Variants in ZNF277 observed in about 807,000 individuals in gnomAD.
ZNF277 encodes zinc finger protein 277, also known as nuclear receptor-interacting factor 4.
In ZNF277, 55 loss-of-function variants were observed where a neutral mutation model predicts 60.7. The ratio of observed to expected loss-of-function variants is 0.91; its 90% CI spans 0.73 to 1.13. ZNF277 has a LOEUF of 1.13. Ranked by LOEUF, ZNF277 falls within the 50% of genes most tolerant of loss-of-function variation. The pLI is 0.00. For missense variants in ZNF277, 510 were observed against 523.0 expected, an observed-to-expected ratio of 0.98 and a Z score of 0.24; for synonymous variants, 178 against 179.3, an observed-to-expected ratio of 0.99 and a Z score of 0.06.
chr7:112,266,278 C>T (rs551855468), intron 1 of ZNF277, among the ~76,000 whole-genome samples: 1 of 152,040 alleles, frequency 6.6e-6, no homozygotes, highest in Non-Finnish European at 1.5e-5. Context: ...TCCTTAGTAG[C>T]TAGGATTACA....
At chr7:112,224,283 A>G (rs2116966879) in intron 1 of ZNF277, among the ~76,000 whole-genome samples, 1 of 152,374 alleles carries the variant, frequency 6.6e-6, no homozygotes, top group East Asian at 1.9e-4. Flanking sequence ...CACTTACAAT[A>G]GATAATGAAC....
At chr7:112,241,156 GA>G (rs112773770) in intron 1 of ZNF277, among the ~76,000 whole-genome samples, 42 of 144,700 alleles carry the variant, frequency 2.9e-4, no homozygotes, top group South Asian at 1.3e-3. Context: ...AACTCTATTG[GA>G]AAAAAAAAAA....
chr7:112,313,687 T>A (rs948797961), intron 4 of ZNF277, among the ~76,000 whole-genome samples: 3 of 152,172 alleles, frequency 2.0e-5, no homozygotes, highest in Admixed American at 6.6e-5. Context: ...TGGAATAGTT[T>A]ACATATGTAG....
At chr7:112,302,468 T>C (rs1315047243) in intron 4 of ZNF277, among the ~76,000 whole-genome samples, 1 of 152,158 alleles carries the variant, frequency 6.6e-6, no homozygotes, top group Admixed American at 6.6e-5. Flanking sequence ...TACATACAAG[T>C]TCTAATACTG....
chr7:112,302,209 A>G (rs545021061), intron 4 of ZNF277, among the ~76,000 whole-genome samples: 1 of 152,214 alleles, frequency 6.6e-6, no homozygotes, highest in East Asian at 1.9e-4. Flanking sequence ...ATTTATCTTC[A>G]GGAGAGAAAC....
chr7:112,215,088 A>G (rs1371470323), intron 1 of ZNF277, among the ~76,000 whole-genome samples: 2 of 152,226 alleles, frequency 1.3e-5, no homozygotes, highest in African/African-American at 2.4e-5. Flanking sequence ...GTCTGTCTCA[A>G]GAGGCAGTAG....
intron 1 of ZNF277, among the ~76,000 whole-genome samples, chr7:112,247,021 C>G (rs1791101144): frequency 6.6e-6 from 1 of 152,058 alleles, no homozygotes; most frequent in African/African-American, 2.4e-5. Context: ...TACAAATTAA[C>G]CTAATAATGC....
At chr7:112,248,472 T>C (rs1226822449) in intron 1 of ZNF277, among the ~76,000 whole-genome samples, 3 of 152,122 alleles carry the variant, frequency 2.0e-5, no homozygotes, top group African/African-American at 7.2e-5. Flanking sequence ...AATAGAGATT[T>C]AAACAGAGCT....
At chr7:112,296,919 T>TA (rs1563219735) in intron 4 of ZNF277, among the ~76,000 whole-genome samples, 9 of 65,322 alleles carry the variant, frequency 1.4e-4, no homozygotes, top group South Asian at 6.3e-4. Flanking sequence ...TTTATTTTTT[T>TA]TTTTTTTTTT....
intron 1 of ZNF277, among the ~76,000 whole-genome samples, chr7:112,274,582 T>C (rs1291704070): frequency 1.3e-5 from 2 of 152,208 alleles, no homozygotes; most frequent in African/African-American, 2.4e-5. Context: ...AATAAAAATG[T>C]GTCATAGCTA....
intron 1 of ZNF277, among the ~76,000 whole-genome samples, chr7:112,223,667 G>C (rs1822095313): frequency 1.3e-5 from 2 of 152,156 alleles, no homozygotes; most frequent in Non-Finnish European, 2.9e-5. Context: ...TAAATCCCAA[G>C]GCTCCCACAA....
intron 1 of ZNF277, among the ~76,000 whole-genome samples, chr7:112,236,044 A>G (rs1790777771): frequency 6.6e-6 from 1 of 152,032 alleles, no homozygotes; most frequent in Admixed American, 6.6e-5. Flanking sequence ...TCAATAGACC[A>G]TATATGTGGG....
intron 1 of ZNF277, among the ~76,000 whole-genome samples, chr7:112,242,139 A>G (rs546226013): frequency 4.0e-4 from 61 of 152,182 alleles, no homozygotes; most frequent in African/African-American, 1.5e-3. Flanking sequence ...CTGTTTACCC[A>G]TAAAAATTTA....
At chr7:112,292,284 A>G (rs935158318) in intron 2 of ZNF277, among the ~76,000 whole-genome samples, 3 of 152,180 alleles carry the variant, frequency 2.0e-5, no homozygotes, top group African/African-American at 7.2e-5. Flanking sequence ...TTACCTCTGT[A>G]GTGGAACTTC....
At chr7:112,285,685 C>T (rs1019057464) in intron 1 of ZNF277, among the ~76,000 whole-genome samples, 6 of 151,654 alleles carry the variant, frequency 4.0e-5, no homozygotes, top group Non-Finnish European at 5.9e-5. Context: ...CCGCCCACCT[C>T]GGCCTCCCAA....
intron 5 of ZNF277, among the ~76,000 whole-genome samples, chr7:112,321,228 T>A (rs1792975118): frequency 1.3e-5 from 2 of 151,944 alleles, no homozygotes; most frequent in Admixed American, 1.3e-4. Flanking sequence ...GCTCCCTTGT[T>A]TCTTATACCA....
rs202054219 is a variant in ZNF277 at position 112,338,264 on chromosome 7, T to TA, written c.966+439dup. Among the ~76,000 whole-genome samples the TA allele has an allele frequency of 1.3e-3, 203 of 152,264 alleles. 4 individuals are homozygous for TA. The East Asian group carries it at 0.037, about 28-fold the overall frequency. On this transcript the variant is annotated intron_variant, in intron 9 of 11. Coordinates refer to ENST00000361822, the MANE Select transcript of ZNF277 (RefSeq NM_021994.3). ...TACAGTTCCTTCAGGTGCCAGGATT[T>TA]AGAGAGAAGAAACTAGGGAGCATTC... is the stretch of plus-strand genomic sequence containing the variant.
At position 112,277,160 on chromosome 7, in the gene ZNF277, T is replaced by C. The variant is rs181039261; in HGVS notation, c.92-9713T>C. The stretch of plus-strand genomic sequence containing the variant: ...GTGCAGTGGCACGATCTCGGCTCAC[T>C]GCAAGCTCCGCCTCCCAGGTTCACA... On this transcript the variant is annotated intron_variant, in intron 1 of 11. Coordinates refer to ENST00000361822, the MANE Select transcript of ZNF277 (RefSeq NM_021994.3). 7.5e-3 allele frequency among the ~76,000 whole-genome samples: 1,081 copies of C among 143,788 alleles called. 9 individuals are homozygous for C. The highest frequency in any genetic ancestry group is 0.027 in the African/African-American group (1,038 of 37,842). 94.3% of individuals were successfully genotyped at this position (143,788 alleles called of 152,430 possible).
intron 7 of ZNF277, among the ~76,000 whole-genome samples, chr7:112,335,527 G>A (rs1261111276): frequency 6.6e-6 from 1 of 152,104 alleles, no homozygotes; most frequent in Non-Finnish European, 1.5e-5. Flanking sequence ...GATTTGAGTA[G>A]GTACTAGAGC....
Sources: gnomAD v4.1 joint callset for allele counts (sites outside exome capture counted in the v4.1 genomes callset) on GRCh38, gnomAD v4.1.1 for gene constraint, MANE v1.5 for transcripts, NCBI Gene and HGNC (gene_info 2026-07-23, HGNC 2026-07-21) for gene names.